The following CARMIL1 variants were observed in gnomAD, a reference collection of about 807,000 sequenced individuals.
The protein encoded by CARMIL1 is F-actin-uncapping protein LRRC16A.
Under a neutral mutation model 177.1 loss-of-function variants are expected in CARMIL1, and 90 were observed. That is an observed-to-expected ratio of 0.51 (90% CI 0.43 to 0.61). The LOEUF (loss-of-function observed/expected upper bound fraction) is 0.61. CARMIL1 is among the 20% of genes least tolerant of loss of function. CARMIL1 has a pLI of 0.00. For synonymous variants in CARMIL1, 577 were observed against 606.2 expected (o/e 0.95, Z 0.71); for missense variants, 1,380 against 1,667.0 (o/e 0.83, Z 3.00).
At chr6:25,398,513 C>T (rs1793616835) in intron 2 of CARMIL1, among the ~76,000 whole-genome samples, 1 of 152,106 alleles carries the variant, frequency 6.6e-6, no homozygotes, top group African/African-American at 2.4e-5. Context: ...TACCAACTAG[C>T]CTGTTAGTGG....
At chr6:25,488,346 G>A (rs1351564157) in intron 12 of CARMIL1, 136 bp from the exon 13 acceptor site, 27 of 708,766 alleles carry the variant, frequency 3.8e-5, no homozygotes, top group East Asian at 2.0e-4. Flanking sequence ...CAATCATAGC[G>A]CCACCTTTCA....
chr6:25,550,806 G>A, intron 26 of CARMIL1, 104 bp from the exon 27 acceptor site: 1 of 1,049,186 alleles, frequency 9.5e-7, no homozygotes, highest in Admixed American at 2.2e-5. Context: ...TCGTGCTCCT[G>A]TTCTCTGAGG....
Position 25,427,271 on chromosome 6 carries a change from C to T in CARMIL1, c.249+711C>T, listed in dbSNP as rs184954188. ...GCCATGGTGGTTTGCTGCACCTATCCATCCATCACCTAGGTATTAAGCCCA... is the reference window on the plus strand; with the variant it reads ...GCCATGGTGGTTTGCTGCACCTATCTATCCATCACCTAGGTATTAAGCCCA... On this transcript the variant is annotated intron_variant, in intron 4 of 36. Coordinates refer to ENST00000329474, the MANE Select transcript of CARMIL1 (RefSeq NM_017640.6). Among the ~76,000 whole-genome samples the T allele has an allele frequency of 7.9e-5, 12 of 152,044 alleles. No homozygotes were observed. The East Asian group carries it at 1.7e-3, about 22-fold the overall frequency.
At chr6:25,362,086 TCC>T (rs1789267094) in intron 2 of CARMIL1, among the ~76,000 whole-genome samples, 1 of 152,204 alleles carries the variant, frequency 6.6e-6, no homozygotes, top group South Asian at 2.1e-4. Flanking sequence ...TAAGGCGGGT[TCC>T]CAGAACCTTT....
At chr6:25,552,407 G>A (rs1810192916) in intron 27 of CARMIL1, among the ~76,000 whole-genome samples, 1 of 152,034 alleles carries the variant, frequency 6.6e-6, no homozygotes, top group Admixed American at 6.6e-5. Flanking sequence ...TCTGAAAGTT[G>A]AACAGCAGTA....
intron 31 of CARMIL1, among the ~76,000 whole-genome samples, chr6:25,583,032 C>T (rs182028496): frequency 6.6e-6 from 1 of 152,314 alleles, no homozygotes; most frequent in East Asian, 1.9e-4. Context: ...TCTCATCTTC[C>T]CCTTGCCTTT....
At chr6:25,327,659 A>C (rs2150261534) in intron 2 of CARMIL1, among the ~76,000 whole-genome samples, 1 of 152,252 alleles carries the variant, frequency 6.6e-6, no homozygotes, top group Non-Finnish European at 1.5e-5. Context: ...ATTTTCTTTT[A>C]TTACTATATT....
intron 12 of CARMIL1, among the ~76,000 whole-genome samples, chr6:25,484,228 A>T (rs1318908207): frequency 1.3e-5 from 2 of 152,192 alleles, no homozygotes; most frequent in African/African-American, 2.4e-5. Flanking sequence ...CTGGACAATA[A>T]GGGCTTTGCC....
At chr6:25,478,027 T>A (rs569927021) in intron 11 of CARMIL1, among the ~76,000 whole-genome samples, 8 of 152,076 alleles carry the variant, frequency 5.3e-5, no homozygotes, top group Non-Finnish European at 1.0e-4. Flanking sequence ...GGCTAATTTT[T>A]AAATTTTTTT....
At chr6:25,551,773 T>C (rs897800529) in intron 27 of CARMIL1, among the ~76,000 whole-genome samples, 10 of 152,196 alleles carry the variant, frequency 6.6e-5, no homozygotes, top group African/African-American at 2.4e-4. Context: ...CAGAAGCATT[T>C]TTTAATTTTC....
chr6:25,384,480 A>G (rs143687724), intron 2 of CARMIL1, among the ~76,000 whole-genome samples: 180 of 152,304 alleles, frequency 1.2e-3, no homozygotes, highest in African/African-American at 4.3e-3. Flanking sequence ...TTCTTCTACC[A>G]CAAGAGTGGC....
intron 8 of CARMIL1, among the ~76,000 whole-genome samples, chr6:25,464,980 C>A (rs1800461600): frequency 2.0e-5 from 3 of 147,198 alleles, no homozygotes; most frequent in Non-Finnish European, 4.5e-5. Context: ...ATGCAGATAG[C>A]TTCACTACAT....
At chr6:25,581,538 G>A (rs980349264) in intron 31 of CARMIL1, 99 bp downstream of exon 31, 6 of 1,127,634 alleles carry the variant, frequency 5.3e-6, no homozygotes, top group Non-Finnish European at 7.4e-6. Flanking sequence ...AAACATGAAA[G>A]CTATGGTTAA....
chr6:25,282,915 C>A (rs1781250560), intron 1 of CARMIL1, among the ~76,000 whole-genome samples: 3 of 152,166 alleles, frequency 2.0e-5, no homozygotes, highest in Admixed American at 1.3e-4. Flanking sequence ...TATCTAGCAC[C>A]TAGTAGAGTA....
chr6:25,351,799 C>T (rs547864168), intron 2 of CARMIL1, among the ~76,000 whole-genome samples: 1 of 151,880 alleles, frequency 6.6e-6, no homozygotes. Context: ...CAGTGAATGA[C>T]GATTGTGGAA....
At chr6:25,587,933 C>T (rs886644637) in intron 31 of CARMIL1, among the ~76,000 whole-genome samples, 5 of 151,984 alleles carry the variant, frequency 3.3e-5, no homozygotes, top group Admixed American at 2.0e-4. Context: ...CCTCCATATC[C>T]ACACATTCTG....
chr6:25,310,676 C>A (rs1783737015), intron 2 of CARMIL1, among the ~76,000 whole-genome samples: 1 of 152,062 alleles, frequency 6.6e-6, no homozygotes, highest in African/African-American at 2.4e-5. Flanking sequence ...TATGGTTCCA[C>A]TAGAAGATTG....
intron 2 of CARMIL1, among the ~76,000 whole-genome samples, chr6:25,369,171 G>C (rs1204019539): frequency 1.3e-5 from 2 of 152,088 alleles, no homozygotes; most frequent in African/African-American, 2.4e-5. Context: ...TTTAAATATT[G>C]GGTGGATCTG....
intron 32 of CARMIL1, 66 bp from the exon 33 acceptor site, chr6:25,600,248 G>C: frequency 7.1e-7 from 1 of 1,414,726 alleles, no homozygotes; most frequent in Non-Finnish European, 9.6e-7. Flanking sequence ...TTTATATTTT[G>C]ACTGATTCTT....
Sources: gnomAD v4.1 joint callset for allele counts (sites outside exome capture counted in the v4.1 genomes callset) on GRCh38, gnomAD v4.1.1 for gene constraint, MANE v1.5 for transcripts, NCBI Gene and HGNC (gene_info 2026-07-23, HGNC 2026-07-21) for gene names.